SUPT3H: variants seen among roughly 807,000 people sequenced by gnomAD.
SUPT3H encodes the protein SPT3 homolog, SAGA and STAGA complex component, also known as transcription initiation protein SPT3 homolog.
A neutral mutation model predicts 44.3 loss-of-function variants in SUPT3H; 44 were observed. The observed-to-expected ratio is 0.99, with a 90% CI of 0.78 to 1.28. The LOEUF is 1.28. Among genes scored for constraint, SUPT3H ranks in the 50% most tolerant of loss-of-function variants. SUPT3H has a pLI of 0.00. For synonymous variants in SUPT3H, 124 were observed against 125.6 expected (o/e 0.99, Z 0.09); for missense variants, 380 against 387.1 (o/e 0.98, Z 0.15).
chr6:45,309,750 G>T (rs1017513629), intron 2 of SUPT3H, among the ~76,000 whole-genome samples: 1 of 151,536 alleles, frequency 6.6e-6, no homozygotes, highest in African/African-American at 2.4e-5. Context: ...ACCAACAAGA[G>T]AAAAGAAAGA....
Position 45,325,763 on chromosome 6 carries a change from G to A in SUPT3H, c.101+39438C>T, listed in dbSNP as rs114411331. On this transcript the variant is annotated intron_variant, in intron 2 of 10. Coordinates refer to ENST00000371459, the MANE Select transcript of SUPT3H (RefSeq NM_003599.4). The stretch of plus-strand genomic sequence containing the variant: ...CTAAATCAGTATCTCTTCACCACGT[G>A]TAGTAAGCTATTTCTAATGAAACAC... 2.6e-3 allele frequency among the ~76,000 whole-genome samples: 388 copies of A among 151,948 alleles called. 3 individuals carry two copies. The highest frequency in any genetic ancestry group is 8.5e-3 in the African/African-American group (355 of 41,524).
chr6:44,928,905 G>GAAAAAAAAAAAAAAAAA (rs1210373765), intron 10 of SUPT3H, among the ~76,000 whole-genome samples: 1 of 62,934 alleles, frequency 1.6e-5, no homozygotes, highest in Non-Finnish European at 2.5e-5. Context: ...AAAAAAAAAA[G>GAAAAAAAAAAAAAAAAA]AAAAGAAAAG....
At chr6:45,006,220 T>C (rs1004819586) in intron 5 of SUPT3H, among the ~76,000 whole-genome samples, 5 of 152,144 alleles carry the variant, frequency 3.3e-5, no homozygotes, top group Middle Eastern at 3.2e-3. Context: ...CCTTTCTTTA[T>C]GTTCAAGTTT....
intron 2 of SUPT3H, among the ~76,000 whole-genome samples, chr6:45,175,353 G>C (rs1302775258): frequency 6.6e-6 from 1 of 152,120 alleles, no homozygotes; most frequent in Non-Finnish European, 1.5e-5. Flanking sequence ...TTACAGTCAC[G>C]GTGAAAGGCG....
chr6:45,359,627 A>G (rs193235257), intron 2 of SUPT3H, among the ~76,000 whole-genome samples: 1 of 152,356 alleles, frequency 6.6e-6, no homozygotes, highest in East Asian at 1.9e-4. Flanking sequence ...ACAAGCATCT[A>G]ATAAGTATAT....
At chr6:45,261,487 A>T (rs74923939) in intron 2 of SUPT3H, among the ~76,000 whole-genome samples, 1 of 152,070 alleles carries the variant, frequency 6.6e-6, no homozygotes, top group South Asian at 2.1e-4. Flanking sequence ...AAAACACATG[A>T]TCATCTCCAT....
intron 9 of SUPT3H, among the ~76,000 whole-genome samples, chr6:44,942,730 G>T (rs1194762147): frequency 1.1e-4 from 16 of 152,048 alleles, no homozygotes; most frequent in Non-Finnish European, 4.4e-5. Flanking sequence ...ATGGCTTTCC[G>T]CAAATCTTTT....
At position 44,827,290 on chromosome 6, in the gene SUPT3H, T is replaced by C. The variant is rs1000081637; in HGVS notation, c.*2526A>G. ...ACACGTATGCTTTAGGATGTATCCA[T>C]AATTAGTACAGTTTTTAAATAAATT... On this transcript the variant is annotated 3_prime_UTR_variant, in exon 11 of 11. Transcript: ENST00000371459. Among the ~76,000 whole-genome samples the C allele has an allele frequency of 1.3e-5, 2 of 152,188 alleles. No individual in the cohort carries two copies. The highest frequency in any genetic ancestry group is 2.9e-5 in the Non-Finnish European group (2 of 68,002).
intron 3 of SUPT3H, among the ~76,000 whole-genome samples, chr6:45,060,037 T>A (rs1324483282): frequency 3.9e-5 from 6 of 152,124 alleles, no homozygotes; most frequent in Non-Finnish European, 8.8e-5. Context: ...AATTTATGAA[T>A]TCAATGCTAT....
rs143124061 is a variant in SUPT3H, at chr6:45,111,759, T to C, written c.102-5753A>G. ...AAGTTCATGAGAGTCAGTGGATGAG[T>C]AGGTGCCCAGCTGACATCTCACTGT... On this transcript the variant is annotated intron_variant, in intron 2 of 10. Transcript: ENST00000371459. Among the ~76,000 whole-genome samples, 27 of 152,134 alleles carry C rather than the reference T, an allele frequency of 1.8e-4. No individual in the cohort carries two copies. In the East Asian group the frequency reaches 4.8e-3, roughly 27 times the overall value.
rs56007105 is a variant in SUPT3H at position 45,207,898 on chromosome 6, A to C, written c.102-101892T>G. Among the ~76,000 whole-genome samples, 593 of 152,278 alleles carry C rather than the reference A, an allele frequency of 3.9e-3. 7 individuals carry two copies. Among genetic ancestry groups the C allele is most frequent in the African/African-American group, 0.014 (565 of 41,568 alleles). On this transcript the variant is annotated intron_variant, in intron 2 of 10. Transcript: ENST00000371459. ...GAATTTGGCCAGTCAATAACCCTACAATGGCCTCTAACTGTTCCAGTGAAA... is the reference window on the plus strand; with the variant it reads ...GAATTTGGCCAGTCAATAACCCTACCATGGCCTCTAACTGTTCCAGTGAAA...
intron 2 of SUPT3H, among the ~76,000 whole-genome samples, chr6:45,236,568 T>C (rs1362087949): frequency 6.6e-6 from 1 of 151,722 alleles, no homozygotes; most frequent in Non-Finnish European, 1.5e-5. Context: ...AGAAAAAGAG[T>C]GGCCTAACCC....
chr6:45,331,934 A>C (rs1336514636), intron 2 of SUPT3H, among the ~76,000 whole-genome samples: 1 of 152,036 alleles, frequency 6.6e-6, no homozygotes, highest in Non-Finnish European at 1.5e-5. Flanking sequence ...TGTTAAAAGA[A>C]CACTGAAATA....
chr6:45,277,846 C>T (rs1359553178), intron 2 of SUPT3H, among the ~76,000 whole-genome samples: 1 of 152,120 alleles, frequency 6.6e-6, no homozygotes, highest in East Asian at 1.9e-4. Context: ...GTTACTTTTT[C>T]AAACAACTAA....
chr6:44,953,348 T>C lies in SUPT3H; in HGVS notation c.763A>G (p.Ile255Val). 1 of 1,614,156 alleles carries C rather than the reference T, an allele frequency of 6.2e-7. No individual in the cohort carries two copies. Reference sequence around the variant, plus strand: ...TGATACTGAATGAAGGTTGCAGAAATGGCATGGCTGAAGGGGTCCCCTGCC... The same window carrying C: ...TGATACTGAATGAAGGTTGCAGAAACGGCATGGCTGAAGGGGTCCCCTGCC... ...TKAGDPFSHA[I>V]SATFIQYHNS... The change falls in exon 9 of 11, where the codon ATT becomes GTT. Residue 255 changes from isoleucine (I) to valine (V), a missense_variant. Physicochemically the swap from Ile to Val is conservative, Grantham distance 29. Transcript: ENST00000371459.
intron 6 of SUPT3H, among the ~76,000 whole-genome samples, chr6:44,984,567 TC>T (rs1779519296): frequency 6.6e-6 from 1 of 152,100 alleles, no homozygotes; most frequent in Admixed American, 6.6e-5. Flanking sequence ...ATATTTAGCA[TC>T]TTTGCGATCC....
At chr6:44,880,314 A>C (rs1303952418) in intron 10 of SUPT3H, among the ~76,000 whole-genome samples, 2 of 152,066 alleles carry the variant, frequency 1.3e-5, no homozygotes, top group African/African-American at 4.8e-5. Flanking sequence ...GATCAAGCGG[A>C]AGAAAGGATA....
intron 2 of SUPT3H, among the ~76,000 whole-genome samples, chr6:45,197,494 T>G (rs1816254226): frequency 6.6e-6 from 1 of 151,358 alleles, no homozygotes; most frequent in Admixed American, 6.6e-5. Flanking sequence ...AATTATGCTA[T>G]TTGGTTGGAT....
At chr6:44,966,050 G>C (rs1776730723) in intron 6 of SUPT3H, among the ~76,000 whole-genome samples, 1 of 151,968 alleles carries the variant, frequency 6.6e-6, no homozygotes, top group Admixed American at 6.5e-5. Context: ...AGGGAGACAA[G>C]GCAGTTTTAA....
Sources: gnomAD v4.1 joint callset for allele counts (sites outside exome capture counted in the v4.1 genomes callset) on GRCh38, gnomAD v4.1.1 for gene constraint, MANE v1.5 for transcripts, NCBI Gene and HGNC (gene_info 2026-07-23, HGNC 2026-07-21) for gene names.